SFI1: variants seen among roughly 807,000 people sequenced by gnomAD.
The protein encoded by SFI1 is SFI1 centrin binding protein.
Under a neutral mutation model 207.5 loss-of-function variants are expected in SFI1, and 195 were observed. The observed-to-expected ratio is 0.94, with a 90% CI of 0.84 to 1.06. SFI1 has a LOEUF of 1.06. Among genes scored for constraint, SFI1 ranks in the 50% least tolerant of loss-of-function variants. The pLI is 0.00. For synonymous variants in SFI1, 630 were observed against 598.9 expected, an observed-to-expected ratio of 1.05 and a Z score of -0.76; for missense variants, 1,634 against 1,588.0, an observed-to-expected ratio of 1.03 and a Z score of -0.49.
At chr22:31,502,169 C>T (rs1390984222) in intron 1 of SFI1, among the ~76,000 whole-genome samples, 1 of 152,034 alleles carries the variant, frequency 6.6e-6, no homozygotes, top group African/African-American at 2.4e-5. Flanking sequence ...GGGTTTGGAT[C>T]TTTATTTAGA....
intron 8 of SFI1, among the ~76,000 whole-genome samples, chr22:31,565,806 A>G (rs2062234324): frequency 6.6e-6 from 1 of 152,036 alleles, no homozygotes; most frequent in Non-Finnish European, 1.5e-5. Flanking sequence ...GCAACGGTAT[A>G]TTTTTGAGGT....
intron 31 of SFI1, 147 bp downstream of exon 31, chr22:31,617,225 C>G (rs2071732835): frequency 2.6e-6 from 2 of 768,204 alleles, no homozygotes; most frequent in African/African-American, 3.5e-5. Flanking sequence ...GGGGAGCCCT[C>G]AGTGTGTGCT....
intron 12 of SFI1, among the ~76,000 whole-genome samples, chr22:31,583,630 T>C (rs916204030): frequency 6.6e-6 from 1 of 152,226 alleles, no homozygotes; most frequent in Non-Finnish European, 1.5e-5. Context: ...CATTGTCTTC[T>C]GTGGGATTAG....
intron 21 of SFI1, chr22:31,606,773 T>C (rs2069099780): frequency 6.0e-6 from 1 of 166,334 alleles, no homozygotes; most frequent in African/African-American, 2.5e-5. Context: ...CTCAGCTCAC[T>C]GCAACCTCCA....
At chr22:31,499,653 C>T (rs772083552) in intron 1 of SFI1, among the ~76,000 whole-genome samples, 1 of 152,128 alleles carries the variant, frequency 6.6e-6, no homozygotes, top group African/African-American at 2.4e-5. Context: ...AATAGCATTA[C>T]ATGCTATAGA....
At chr22:31,544,868 A>G (rs1374606103) in intron 4 of SFI1, among the ~76,000 whole-genome samples, 1 of 152,152 alleles carries the variant, frequency 6.6e-6, no homozygotes, top group Non-Finnish European at 1.5e-5. Context: ...TGACCTGAAA[A>G]AGCCAAATAT....
At chr22:31,504,177 A>G (rs918720977) in intron 1 of SFI1, among the ~76,000 whole-genome samples, 1 of 152,288 alleles carries the variant, frequency 6.6e-6, no homozygotes, top group African/African-American at 2.4e-5. Flanking sequence ...CTTGACCATG[A>G]AGGACATTCC....
At chr22:31,515,392 A>G (rs2056346444) in intron 2 of SFI1, among the ~76,000 whole-genome samples, 1 of 150,830 alleles carries the variant, frequency 6.6e-6, no homozygotes, top group Non-Finnish European at 1.5e-5. Context: ...TCTTTTACCC[A>G]GGCTGGAGTA....
At chr22:31,541,031 T>G (rs2059432273) in intron 4 of SFI1, among the ~76,000 whole-genome samples, 1 of 152,090 alleles carries the variant, frequency 6.6e-6, no homozygotes, top group South Asian at 2.1e-4. Flanking sequence ...GAGATATACC[T>G]GAGTCTTTGC....
chr22:31,603,677 AG>A (rs1180927959), intron 17 of SFI1, 66 bp from the exon 18 acceptor site: 3 of 1,326,562 alleles, frequency 2.3e-6, no homozygotes, highest in African/African-American at 1.5e-5. Context: ...GACTATGAGG[AG>A]GAACCCATAG....
At chr22:31,547,247 C>T (rs994062874) in intron 5 of SFI1, among the ~76,000 whole-genome samples, 4 of 152,008 alleles carry the variant, frequency 2.6e-5, no homozygotes, top group African/African-American at 9.7e-5. Context: ...TGGGATTTTC[C>T]CACCGATTTT....
At chr22:31,575,520 T>TA in intron 10 of SFI1, 128 bp downstream of exon 10, 1 of 960,728 alleles carries the variant, frequency 1.0e-6, no homozygotes, top group Non-Finnish European at 1.4e-6. Flanking sequence ...GCCTTATCTC[T>TA]GTTGACAGTC....
At chr22:31,611,973 C>T in intron 24 of SFI1, 133 bp downstream of exon 24, 2 of 1,446,982 alleles carry the variant, frequency 1.4e-6, no homozygotes, top group African/African-American at 1.4e-5. Flanking sequence ...GGGCCACCTC[C>T]TCTACCACCT....
intron 4 of SFI1, among the ~76,000 whole-genome samples, chr22:31,541,761 A>AG (rs948386090): frequency 6.6e-6 from 1 of 150,816 alleles, no homozygotes; most frequent in African/African-American, 2.4e-5. Flanking sequence ...AAAAAAAAAA[A>AG]AAGAATTGTG....
At chr22:31,611,743 T>A in intron 23 of SFI1, 23 bp from the exon 24 acceptor site, 5 of 1,609,934 alleles carry the variant, frequency 3.1e-6, no homozygotes, top group Non-Finnish European at 4.2e-6. Flanking sequence ...GACGCCACTC[T>A]CTGTGCACTT....
intron 1 of SFI1, among the ~76,000 whole-genome samples, chr22:31,506,205 G>T (rs530772918): frequency 6.6e-6 from 1 of 152,014 alleles, no homozygotes; most frequent in African/African-American, 2.4e-5. Flanking sequence ...CCACCACCAT[G>T]CCTGGCTCAT....
chr22:31,603,749 C>G lies in SFI1; in HGVS notation c.1811C>G (p.Thr604Arg). Reference sequence around the variant, plus strand: ...GCTCTGCCATCTCCCCACAGGAGGACGGGCAGGGTGCGGGCAGCAGAATTC... The same window carrying G: ...GCTCTGCCATCTCCCCACAGGAGGAGGGGCAGGGTGCGGGCAGCAGAATTC... ...ESAQGLRTER[T>R]GRVRAAEFHM... Residue 604 changes from threonine (T) to arginine (R), a missense_variant, in exon 18 of 33, where the codon ACG becomes AGG. Physicochemically the swap from Thr to Arg is moderately conservative, Grantham distance 71 (BLOSUM62 -1). Transcript: ENST00000400288. 1 of 1,536,998 alleles carries G rather than the reference C, an allele frequency of 6.5e-7. No individual in the cohort carries two copies. The highest frequency in any genetic ancestry group is 8.7e-7 in the Non-Finnish European group (1 of 1,155,128).
intron 15 of SFI1, among the ~76,000 whole-genome samples, chr22:31,594,355 C>G (rs938806858): frequency 6.6e-6 from 1 of 151,700 alleles, no homozygotes; most frequent in Non-Finnish European, 1.5e-5. Flanking sequence ...CAAGACCAGC[C>G]TGGCCAACAT....
chr22:31,559,601 A>G, intron 7 of SFI1: 1 of 671,906 alleles, frequency 1.5e-6, no homozygotes, highest in Middle Eastern at 4.3e-4. Context: ...GGTTGACAGT[A>G]CACTCATAGT....
Sources: allele counts gnomAD v4.1 joint callset (sites outside exome capture counted in the v4.1 genomes callset), GRCh38; gene constraint gnomAD v4.1.1; transcripts MANE v1.5; gene names NCBI Gene and HGNC (gene_info 2026-07-23, HGNC 2026-07-21).